SOCS2: variants seen among roughly 807,000 people sequenced by gnomAD.
The protein encoded by SOCS2 is CIS-2.
SOCS2 carries 10 observed loss-of-function variants against 18.6 expected under a neutral mutation model. That is an observed-to-expected ratio of 0.54 (90% CI 0.33 to 0.91). The LOEUF is 0.91. SOCS2 is among the 40% of genes least tolerant of loss of function. The pLI, the probability that SOCS2 is intolerant of heterozygous loss-of-function variation, is 0.02. For synonymous variants in SOCS2, 104 were observed against 104.0 expected (o/e 1.00, Z 0.00); for missense variants, 231 against 247.2 (o/e 0.93, Z 0.44).
upstream of SOCS2, chr12:93,570,846 G>C (rs1392739817): frequency 6.6e-6 from 1 of 152,324 alleles, no homozygotes; most frequent in Non-Finnish European, 1.5e-5. Flanking sequence ...TGTGTATTGC[G>C]ACCGAGCCTC....
the SOCS2 span, among the ~76,000 whole-genome samples, chr12:93,590,191 C>T: frequency 7.9e-5 from 12 of 151,658 alleles, no homozygotes; most frequent in South Asian, 2.1e-4. Flanking sequence ...GCTGAGATCG[C>T]GCCACTGCAC....
the SOCS2 span, among the ~76,000 whole-genome samples, chr12:93,609,179 T>G: frequency 0.14 from 21,140 of 151,966 alleles, 2,565 homozygotes; most frequent in African/African-American, 0.32. Context: ...ATCACCTGAG[T>G]TCAGGAGTTC....
At chr12:93,571,592 C>G (rs545889485), upstream of SOCS2, 4 of 187,790 alleles carry the variant, frequency 2.1e-5, no homozygotes, top group South Asian at 2.7e-4. Context: ...CGGAGGGAAA[C>G]CCGGCAGCAG....
At chr12:93,586,185 T>C (rs987525667), downstream of SOCS2, among the ~76,000 whole-genome samples, 7 of 152,360 alleles carry the variant, frequency 4.6e-5, no homozygotes, top group African/African-American at 1.7e-4. Flanking sequence ...CCGGAAGTTC[T>C]TCTGATCTTC....
the SOCS2 span, among the ~76,000 whole-genome samples, chr12:93,613,102 C>T: frequency 2.6e-5 from 4 of 152,126 alleles, no homozygotes; most frequent in East Asian, 5.8e-4. Flanking sequence ...TGGAGCCCTG[C>T]AAGAAAGGGC....
At chr12:93,614,480 T>TTCCCTTCCTTCC in the SOCS2 span, among the ~76,000 whole-genome samples, 3 of 26,134 alleles carry the variant, frequency 1.1e-4, no homozygotes, top group Non-Finnish European at 2.0e-4. Flanking sequence ...CCTTCCTTCC[T>TTCCCTTCCTTCC]TTCCTTCCTT....
At chr12:93,615,709 C>T in the SOCS2 span, among the ~76,000 whole-genome samples, 16 of 152,196 alleles carry the variant, frequency 1.1e-4, no homozygotes, top group Non-Finnish European at 2.2e-4. Flanking sequence ...GATTCTTATG[C>T]CTCAACCTCT....
the SOCS2 span, among the ~76,000 whole-genome samples, chr12:93,599,273 C>G: frequency 1.3e-5 from 2 of 151,092 alleles, no homozygotes; most frequent in Non-Finnish European, 2.9e-5. Context: ...CCTGCCCCAG[C>G]CTCCCAAGTG....
At chr12:93,572,638 C>G, upstream of SOCS2, 1 of 683,772 alleles carries the variant, frequency 1.5e-6, no homozygotes, top group South Asian at 1.5e-5. This position sits in a 1 kb window ranked among gnomAD's most constrained non-coding sequence, Gnocchi z 5.0. Context: ...ACCCCAGCCG[C>G]AGGGGTCCAG....
At chr12:93,583,720 AT>A (rs1369554341), downstream of SOCS2, among the ~76,000 whole-genome samples, 1 of 152,218 alleles carries the variant, frequency 6.6e-6, no homozygotes, top group Non-Finnish European at 1.5e-5. Context: ...ACAGGCAACC[AT>A]TCTATAACAG....
the SOCS2 span, among the ~76,000 whole-genome samples, chr12:93,591,453 G>C: frequency 1.3e-5 from 2 of 152,162 alleles, no homozygotes; most frequent in South Asian, 2.1e-4. Context: ...GTCTGTCTGC[G>C]GCAAGAGGAA....
rs1183710631 is a variant in SOCS2, at chr12:93,575,226, G to A, written c.*47G>A. The A allele has an allele frequency of 7.2e-7, 1 of 1,388,508 alleles. No individual in the cohort carries two copies. The highest frequency in any genetic ancestry group is 1.5e-5 in the South Asian group (1 of 65,390). 86.0% of individuals were successfully genotyped at this position (1,388,508 alleles called of 1,614,324 possible). ...TGTCTCACATAGAGTATCTCCGAAT[G>A]CAGCTATGTAAAAGAGAACCAAAAC... On this transcript the variant is annotated 3_prime_UTR_variant, in exon 2 of 2. Transcript: ENST00000551556.
chr12:93,614,377 CTT>C, the SOCS2 span, among the ~76,000 whole-genome samples: 1 of 125,560 alleles, frequency 8.0e-6, no homozygotes, highest in Admixed American at 8.0e-5. Context: ...TTCTTTCTTT[CTT>C]TCTTTCTTTC....
chr12:93,615,369 C>T, the SOCS2 span, among the ~76,000 whole-genome samples: 2 of 152,184 alleles, frequency 1.3e-5, no homozygotes, highest in Non-Finnish European at 2.9e-5. Flanking sequence ...TCCACTGGCA[C>T]CAATCTCTCT....
At chr12:93,625,745 CAAAAAAA>C in the SOCS2 span, among the ~76,000 whole-genome samples, 1,280 of 62,510 alleles carry the variant, frequency 0.02, 15 homozygotes, top group South Asian at 0.07. Flanking sequence ...GAGACCATCT[CAAAAAAA>C]AAAAAAAAAA....
upstream of SOCS2, chr12:93,571,703 CG>C (rs1195315847): frequency 1.4e-5 from 4 of 287,646 alleles, no homozygotes; most frequent in Admixed American, 5.1e-5. Flanking sequence ...CCTCTGCGCA[CG>C]GAACTCCGAC....
intron 1 of SOCS2, among the ~76,000 whole-genome samples, chr12:93,582,249 G>T (rs1954549866): frequency 6.6e-6 from 1 of 152,172 alleles, no homozygotes; most frequent in Non-Finnish European, 1.5e-5. Flanking sequence ...TAGAGATGAG[G>T]CTTCTGGGAG....
chr12:93,623,098 G>A, the SOCS2 span, among the ~76,000 whole-genome samples: 9 of 152,188 alleles, frequency 5.9e-5, no homozygotes, highest in African/African-American at 1.7e-4. Context: ...GTCTCATCTC[G>A]AATTGTAACC....
downstream of SOCS2, among the ~76,000 whole-genome samples, chr12:93,578,632 A>G (rs1954497450): frequency 6.6e-6 from 1 of 151,528 alleles, no homozygotes; most frequent in Non-Finnish European, 1.5e-5. Flanking sequence ...CATATTATGG[A>G]TTTTATGGAA....
Sources: gnomAD v4.1 joint callset for allele counts (sites outside exome capture counted in the v4.1 genomes callset) on GRCh38, gnomAD v4.1.1 for gene constraint, Gnocchi (gnomAD v3.1) non-coding constraint, MANE v1.5 for transcripts, NCBI Gene and HGNC (gene_info 2026-07-23, HGNC 2026-07-21) for gene names.